Variants in IL1RAPL2 observed in about 807,000 individuals in gnomAD.
IL1RAPL2 encodes the protein interleukin 1 receptor accessory protein like 2, also known as X-linked interleukin-1 receptor accessory protein-like 2.
Under a neutral mutation model 44.1 loss-of-function variants are expected in IL1RAPL2, and 3 were observed. The observed-to-expected ratio is 0.07, with a 90% CI of 0.03 to 0.18. The LOEUF is 0.18. Ranked by LOEUF, IL1RAPL2 falls within the 10% of genes least tolerant of loss-of-function variation. The pLI is 1.00. For synonymous variants in IL1RAPL2, 181 were observed against 178.8 expected (o/e 1.01, Z -0.10); for missense variants, 391 against 496.4 (o/e 0.79, Z 2.02).
chrX:105,076,999 T>C (rs774457288), intron 2 of IL1RAPL2, among the ~76,000 whole-genome samples: 4 of 111,505 alleles, frequency 3.6e-5, no homozygotes, highest in Non-Finnish European at 7.5e-5. Context: ...CTTTATCCAA[T>C]TTGCCAGTCT....
At chrX:105,401,647 A>G (rs1044576073) in intron 5 of IL1RAPL2, among the ~76,000 whole-genome samples, 4 of 110,691 alleles carry the variant, frequency 3.6e-5, no homozygotes, top group Non-Finnish European at 5.7e-5. Context: ...TTATGAAGCC[A>G]TTAAGAAGTT....
intron 5 of IL1RAPL2, among the ~76,000 whole-genome samples, chrX:105,269,093 C>T (rs1249161833): frequency 2.7e-5 from 3 of 111,378 alleles, no homozygotes; most frequent in South Asian, 3.7e-4. Context: ...GATTAATGTA[C>T]TTGGGCATTA....
rs771211417 is a variant in IL1RAPL2 at position 105,112,980 on chromosome X, C to T, written c.83-82495C>T. Among the ~76,000 whole-genome samples, 19 of 112,661 alleles carry T rather than the reference C, an allele frequency of 1.7e-4. No homozygotes were observed. The South Asian group carries it at 2.2e-3, about 13-fold the overall frequency. On this transcript the variant is annotated intron_variant, in intron 2 of 10. Coordinates refer to ENST00000372582, the MANE Select transcript of IL1RAPL2 (RefSeq NM_017416.2). The stretch of plus-strand genomic sequence containing the variant: ...AGTGTCTTTTAAAAGATTGCTAGGC[C>T]TTCCTAAGAATTAAATAGAAGAAAA...
intron 5 of IL1RAPL2, among the ~76,000 whole-genome samples, chrX:105,481,517 G>A (rs991329286): frequency 8.9e-6 from 1 of 112,109 alleles, no homozygotes; most frequent in Admixed American, 9.5e-5. Flanking sequence ...ATAAGGGAAG[G>A]GGAAAACAAT....
chrX:105,254,447 A>G (rs1257134463), intron 4 of IL1RAPL2, among the ~76,000 whole-genome samples: 4 of 112,012 alleles, frequency 3.6e-5, no homozygotes, highest in Non-Finnish European at 5.6e-5. Context: ...TAGATGCTGG[A>G]TATTAGACCT....
chrX:104,628,568 C>T (rs1929565700), intron 1 of IL1RAPL2, among the ~76,000 whole-genome samples: 1 of 111,720 alleles, frequency 9.0e-6, no homozygotes, highest in African/African-American at 3.3e-5. Context: ...ATATATAACA[C>T]TTTTTCTTTG....
chrX:104,734,067 G>A (rs749269451), intron 2 of IL1RAPL2, among the ~76,000 whole-genome samples: 1 of 111,810 alleles, frequency 8.9e-6, no homozygotes, highest in African/African-American at 3.2e-5. Flanking sequence ...AGCCAATAGG[G>A]AAATACAAAT....
Position 105,219,967 on chromosome X carries a change from T to C in IL1RAPL2, c.357-13851T>C, listed in dbSNP as rs782076281. 10 of 1,195,459 alleles carry C rather than the reference T, an allele frequency of 8.4e-6. No individual in the cohort carries two copies. In the South Asian group the frequency reaches 1.5e-4, roughly 17 times the overall value. ...ATGGAGCGGCTTCCAACTCACCTTG[T>C]CTCTCTCTTTCTGCACCTCCACGAG... On this transcript the variant is annotated intron_variant, in intron 3 of 10. Coordinates refer to ENST00000372582, the MANE Select transcript of IL1RAPL2 (RefSeq NM_017416.2).
chrX:105,408,223 A>T (rs2035664112), intron 5 of IL1RAPL2, among the ~76,000 whole-genome samples: 1 of 111,990 alleles, frequency 8.9e-6, no homozygotes, highest in Admixed American at 9.4e-5. Flanking sequence ...AGCACCTGTG[A>T]TTCTTTTACT....
chrX:105,063,186 T>G (rs1056515414), intron 2 of IL1RAPL2, among the ~76,000 whole-genome samples: 4 of 111,919 alleles, frequency 3.6e-5, no homozygotes, highest in Admixed American at 1.9e-4. Flanking sequence ...AGCTCACTAA[T>G]TATTTCTTCT....
chrX:105,625,373 G>A (rs193097781), intron 6 of IL1RAPL2, among the ~76,000 whole-genome samples: 1 of 111,788 alleles, frequency 8.9e-6, no homozygotes, highest in East Asian at 2.9e-4. Context: ...GATATGTGTG[G>A]AACTAACTAT....
intron 5 of IL1RAPL2, among the ~76,000 whole-genome samples, chrX:105,318,041 C>A (rs1182006589): frequency 2.8e-5 from 3 of 107,671 alleles, no homozygotes; most frequent in African/African-American, 1.0e-4. Flanking sequence ...GGCGCGATCT[C>A]GGCTCACTGC....
chrX:105,756,233 T>C (rs1438147165), intron 10 of IL1RAPL2, among the ~76,000 whole-genome samples: 1 of 112,200 alleles, frequency 8.9e-6, no homozygotes, highest in African/African-American at 3.2e-5. Context: ...CTTGACAGTG[T>C]ATAAAATAAT....
chrX:104,611,495 G>A (rs779272434), intron 1 of IL1RAPL2, among the ~76,000 whole-genome samples: 5 of 110,669 alleles, frequency 4.5e-5, no homozygotes, highest in East Asian at 5.7e-4. Context: ...CGCCCCTCCC[G>A]TCTCCAAGCT....
intron 2 of IL1RAPL2, among the ~76,000 whole-genome samples, chrX:105,016,153 A>C (rs1340170680): frequency 9.0e-6 from 1 of 111,598 alleles, no homozygotes; most frequent in Admixed American, 9.6e-5. Flanking sequence ...TGATTTTTGC[A>C]CATTGATTTA....
At chrX:104,665,424 T>A (rs947592287) in intron 2 of IL1RAPL2, among the ~76,000 whole-genome samples, 2 of 111,124 alleles carry the variant, frequency 1.8e-5, no homozygotes, top group African/African-American at 3.3e-5. Context: ...AAGTCAAGCA[T>A]TTTGGATTCT....
intron 2 of IL1RAPL2, among the ~76,000 whole-genome samples, chrX:104,956,874 T>TA (rs1223341848): frequency 2.7e-5 from 3 of 111,287 alleles, no homozygotes; most frequent in African/African-American, 6.5e-5. Context: ...GTTCATATCT[T>TA]AAAAAAAATT....
chrX:105,192,064 C>A (rs1207939601), intron 2 of IL1RAPL2, among the ~76,000 whole-genome samples: 1 of 111,994 alleles, frequency 8.9e-6, no homozygotes, highest in Non-Finnish European at 1.9e-5. Context: ...ATCAAGCGCA[C>A]CAGTTGGCTC....
chrX:105,708,879 C>T (rs189734720), intron 6 of IL1RAPL2, among the ~76,000 whole-genome samples: 31 of 111,925 alleles, frequency 2.8e-4, no homozygotes, highest in Non-Finnish European at 5.3e-4. Flanking sequence ...AGTTTCTTTC[C>T]TTCACCTAAC....
Sources: gnomAD v4.1 joint callset for allele counts (sites outside exome capture counted in the v4.1 genomes callset) on GRCh38, gnomAD v4.1.1 for gene constraint, MANE v1.5 for transcripts, NCBI Gene and HGNC (gene_info 2026-07-23, HGNC 2026-07-21) for gene names.